Variants in FNDC3B observed in about 807,000 individuals in gnomAD.
FNDC3B encodes the protein fibronectin type III domain containing 3B, also known as fibronectin type III domain-containing protein 3B.
Under a neutral mutation model 151.5 loss-of-function variants are expected in FNDC3B, and 12 were observed. The ratio of observed to expected loss-of-function variants is 0.08; its 90% CI spans 0.05 to 0.13. FNDC3B has a LOEUF of 0.13. Ranked by LOEUF, FNDC3B falls within the 10% of genes least tolerant of loss-of-function variation. FNDC3B has a pLI of 1.00. For missense variants in FNDC3B, 1,214 were observed against 1,505.3 expected (o/e 0.81, Z 3.20); for synonymous variants, 528 against 549.0 (o/e 0.96, Z 0.54).
intron 4 of FNDC3B, among the ~76,000 whole-genome samples, chr3:172,227,910 A>G (rs1726672048): frequency 6.6e-6 from 1 of 152,206 alleles, no homozygotes; most frequent in South Asian, 2.1e-4. Flanking sequence ...GCTAGGGCGA[A>G]AAATTGGCAG....
chr3:172,141,007 A>G (rs1206193796), intron 3 of FNDC3B, among the ~76,000 whole-genome samples: 2 of 152,166 alleles, frequency 1.3e-5, no homozygotes, highest in African/African-American at 4.8e-5. Flanking sequence ...GCTAATGCTT[A>G]ACCTGTTAGC....
intron 5 of FNDC3B, among the ~76,000 whole-genome samples, chr3:172,248,737 T>TTA (rs956204976): frequency 6.7e-6 from 1 of 148,408 alleles, no homozygotes; most frequent in Non-Finnish European, 1.5e-5. Context: ...AATTATATTT[T>TTA]TATATATATA....
At chr3:172,315,099 G>A (rs1053432412) in intron 11 of FNDC3B, among the ~76,000 whole-genome samples, 4 of 152,136 alleles carry the variant, frequency 2.6e-5, no homozygotes, top group Non-Finnish European at 4.4e-5. Flanking sequence ...ATTTACAGCC[G>A]GGCGCGGTGG....
chr3:172,115,902 A>G (rs187729244), intron 2 of FNDC3B, among the ~76,000 whole-genome samples: 2 of 152,326 alleles, frequency 1.3e-5, no homozygotes, highest in Admixed American at 1.3e-4. Context: ...CAAAAGAACT[A>G]CCACAGTTAT....
At chr3:172,111,118 G>C (rs908870453) in intron 1 of FNDC3B, among the ~76,000 whole-genome samples, 1 of 134,084 alleles carries the variant, frequency 7.5e-6, no homozygotes, top group Non-Finnish European at 1.6e-5. Flanking sequence ...AAAAAAAAAA[G>C]ATAGGCCTGT....
chr3:172,226,734 G>A (rs1726602751), intron 3 of FNDC3B, 137 bp from the exon 4 acceptor site: 2 of 562,178 alleles, frequency 3.6e-6, no homozygotes, highest in South Asian at 2.3e-5. Flanking sequence ...TAGCTTTAAG[G>A]CAATATATAC....
intron 3 of FNDC3B, among the ~76,000 whole-genome samples, chr3:172,145,233 G>A (rs1721841160): frequency 6.6e-6 from 1 of 152,136 alleles, no homozygotes; most frequent in Non-Finnish European, 1.5e-5. Context: ...TGTATTAGCA[G>A]ATTATTATTT....
At chr3:172,387,534 A>G (rs1041673662) in intron 25 of FNDC3B, among the ~76,000 whole-genome samples, 31 of 152,260 alleles carry the variant, frequency 2.0e-4, no homozygotes, top group Admixed American at 2.0e-3. Flanking sequence ...AAATAAAAAT[A>G]GATCAAGATA....
At chr3:172,221,169 C>A (rs1406146870) in intron 3 of FNDC3B, among the ~76,000 whole-genome samples, 2 of 82,928 alleles carry the variant, frequency 2.4e-5, no homozygotes, top group Non-Finnish European at 5.2e-5. Context: ...AGTGTGCTAG[C>A]TCTAGTAATT....
At chr3:172,389,863 C>CA (rs913492274) in intron 25 of FNDC3B, among the ~76,000 whole-genome samples, 3 of 151,220 alleles carry the variant, frequency 2.0e-5, no homozygotes, top group African/African-American at 4.9e-5. Flanking sequence ...GACTCGGTCT[C>CA]AAAAAAAAGA....
In FNDC3B at chr3:172,070,531, G is replaced by A. The variant is rs576399061; in HGVS notation, c.-29+30760G>A. 2.6e-5 allele frequency among the ~76,000 whole-genome samples: 4 copies of A among 152,306 alleles called. No individual in the cohort carries two copies. The East Asian group carries it at 7.7e-4, about 29-fold the overall frequency. The stretch of plus-strand genomic sequence containing the variant: ...AATCGTAAATCCTGCTGTCTGTAGT[G>A]GCTGACGAGGGGAGAAGAGCAGAAT... On this transcript the variant is annotated intron_variant, in intron 1 of 25. Coordinates refer to ENST00000415807, the MANE Select transcript of FNDC3B (RefSeq NM_022763.4).
intron 3 of FNDC3B, among the ~76,000 whole-genome samples, chr3:172,200,391 G>T (rs151075585): frequency 1.3e-5 from 2 of 152,330 alleles, no homozygotes; most frequent in East Asian, 3.9e-4. Flanking sequence ...GTATACAGAA[G>T]GTCCCCAATG....
chr3:172,207,762 A>G (rs1725508242), intron 3 of FNDC3B, among the ~76,000 whole-genome samples: 1 of 152,174 alleles, frequency 6.6e-6, no homozygotes, highest in Non-Finnish European at 1.5e-5. Flanking sequence ...AGCCCGACCA[A>G]CATGGTGAAA....
intron 6 of FNDC3B, among the ~76,000 whole-genome samples, chr3:172,275,389 A>T (rs754007524): frequency 4.6e-5 from 7 of 152,212 alleles, no homozygotes; most frequent in Non-Finnish European, 1.0e-4. Flanking sequence ...GGACAACAGA[A>T]ATCCATCTGC....
At chr3:172,052,582 A>T (rs1716716545) in intron 1 of FNDC3B, among the ~76,000 whole-genome samples, 1 of 152,140 alleles carries the variant, frequency 6.6e-6, no homozygotes, top group African/African-American at 2.4e-5. Context: ...GACCTCAGCT[A>T]TTTGCAGGGG....
intron 3 of FNDC3B, among the ~76,000 whole-genome samples, chr3:172,164,329 T>C (rs1246203439): frequency 2.0e-5 from 3 of 152,250 alleles, no homozygotes; most frequent in Non-Finnish European, 4.4e-5. Context: ...AAGCCCAATA[T>C]ATAAATTGTC....
At chr3:172,302,948 CAA>C (rs927850758) in intron 9 of FNDC3B, 1 of 150,564 alleles carries the variant, frequency 6.6e-6, no homozygotes, top group African/African-American at 2.5e-5. Context: ...GACAGAGAGA[CAA>C]GAGATTGTGT....
Position 172,344,145 on chromosome 3 carries a change from C to T in FNDC3B, c.2137C>T (p.Pro713Ser). ...VSEYSVEMTE[P>S]EDVASEVYHG... is the part of the protein sequence containing the mutation. ...AGAGTACAGCGTGGAGATGACGGAG[C>T]CCGAAGACGTAGCCTCGGAAGTGTA... Residue 713 changes from proline (P) to serine (S), a missense_variant, in exon 19 of 26, where the codon CCC becomes TCC. This residue lies in a region of FNDC3B where 380 missense variants were observed against 420.9 expected (regional missense o/e 0.90). Coordinates refer to ENST00000415807, the MANE Select transcript of FNDC3B (RefSeq NM_022763.4). The T allele has an allele frequency of 6.2e-7, 1 of 1,614,102 alleles. No homozygotes were observed. The highest frequency in any genetic ancestry group is 8.5e-7 in the Non-Finnish European group (1 of 1,179,998).
intron 3 of FNDC3B, among the ~76,000 whole-genome samples, chr3:172,157,160 C>T (rs2108611573): frequency 6.6e-6 from 1 of 152,244 alleles, no homozygotes; most frequent in South Asian, 2.1e-4. Flanking sequence ...TTTCGCTAAG[C>T]TGCCAGCAAA....
Sources: gnomAD v4.1 joint callset for allele counts (sites outside exome capture counted in the v4.1 genomes callset) on GRCh38, gnomAD v4.1.1 for gene constraint, gnomAD v4.1.1 regional missense constraint, MANE v1.5 for transcripts, NCBI Gene and HGNC (gene_info 2026-07-23, HGNC 2026-07-21) for gene names.